MMP3: variants seen among roughly 807,000 people sequenced by gnomAD.
MMP3 encodes stromelysin-1.
A neutral mutation model predicts 47.3 loss-of-function variants in MMP3; 46 were observed. The ratio of observed to expected loss-of-function variants is 0.97; its 90% CI spans 0.77 to 1.24. The LOEUF is 1.24. MMP3 is among the 50% of genes most tolerant of loss of function. MMP3 has a pLI of 0.00. For synonymous variants in MMP3, 216 were observed against 206.5 expected, an observed-to-expected ratio of 1.05 and a Z score of -0.39; for missense variants, 558 against 565.5, an observed-to-expected ratio of 0.99 and a Z score of 0.13.
intron 6 of MMP3, among the ~76,000 whole-genome samples, chr11:102,839,520 C>A (rs1226513729): frequency 6.6e-6 from 1 of 152,172 alleles, no homozygotes; most frequent in Non-Finnish European, 1.5e-5. Flanking sequence ...GCTTTAATTA[C>A]CTGCAATGTA....
Position 102,837,155 on chromosome 11 carries a change from A to G in MMP3, c.1333+143T>C. 1 of 624,818 alleles carries G rather than the reference A, an allele frequency of 1.6e-6. No individual in the cohort carries two copies. Among genetic ancestry groups the G allele is most frequent in the Non-Finnish European group, 2.8e-6 (1 of 352,754 alleles). 38.7% of individuals were successfully genotyped at this position (624,818 alleles called of 1,614,324 possible). Reference sequence around the variant, plus strand: ...TTTGTGAAGTAGTTCTATAATGAGTACAAATGTAGGCGAATCAAAATTTTG... The same window carrying G: ...TTTGTGAAGTAGTTCTATAATGAGTGCAAATGTAGGCGAATCAAAATTTTG... On this transcript the variant is annotated intron_variant, in intron 9 of 9. Coordinates refer to ENST00000299855, the MANE Select transcript of MMP3 (RefSeq NM_002422.5). This position sits in a 1 kb window ranked among gnomAD's most constrained non-coding sequence, Gnocchi z 4.4.
Position 102,836,137 on chromosome 11 carries a change from G to T in MMP3, c.1423C>A (p.Leu475Ile). Residue 475 changes from leucine (L) to isoleucine (I), a missense_variant, in exon 10 of 10, where the codon CTT becomes ATT. Physicochemically the swap from Leu to Ile is conservative, Grantham distance 5. Coordinates refer to ENST00000299855, the MANE Select transcript of MMP3 (RefSeq NM_002422.5). The surrounding 1 kb of genome is among the most constrained non-coding windows in gnomAD (Gnocchi z 4.6). ...TCTACATATCTCTTTCAACAATTAAGCCAGCTGTTACTCTTCAAAGTGTGT... is the reference window on the plus strand; with the variant it reads ...TCTACATATCTCTTTCAACAATTAATCCAGCTGTTACTCTTCAAAGTGTGT... ...VTHTLKSNSW[L>I]NC 2 of 1,613,242 alleles carry T rather than the reference G, an allele frequency of 1.2e-6. No homozygotes were observed. Among genetic ancestry groups the T allele is most frequent in the Non-Finnish European group, 1.7e-6 (2 of 1,179,310 alleles).
rs1555004603 is a variant in MMP3 at position 102,836,575 on chromosome 11, A to ATC, written c.1334-351_1334-350dup. ...AGGTTACAGGGTTATTCTGCTTCCG[A>ATC]TCAGATAAATTCTCCACTTGCTTGG... On this transcript the variant is annotated intron_variant, in intron 9 of 9. Transcript: ENST00000299855. The surrounding 1 kb of genome is among the most constrained non-coding windows in gnomAD (Gnocchi z 4.6). 1 of 483,832 alleles carries ATC rather than the reference A, an allele frequency of 2.1e-6. No homozygotes were observed. The highest frequency in any genetic ancestry group is 1.5e-5 in the South Asian group (1 of 64,554). 30.0% of individuals were successfully genotyped at this position (483,832 alleles called of 1,614,324 possible).
chr11:102,836,335 G>T lies in MMP3; in HGVS notation c.1334-109C>A. 1.2e-6 allele frequency: 1 copy of T among 837,706 alleles called. No homozygotes were observed. Among genetic ancestry groups the T allele is most frequent in the Non-Finnish European group, 2.0e-6 (1 of 504,052 alleles). 51.9% of individuals were successfully genotyped at this position (837,706 alleles called of 1,614,324 possible). A position where few individuals can be genotyped will look rare whatever the true frequency, so the allele number is the denominator to read the frequency against. ...ACTAAAAATAGAAAGTGTTTATAGA[G>T]CTTTACTTTATGTCAGGGACTATGC... On this transcript the variant is annotated intron_variant, in intron 9 of 9. Coordinates refer to ENST00000299855, the MANE Select transcript of MMP3 (RefSeq NM_002422.5). This position sits in a 1 kb window ranked among gnomAD's most constrained non-coding sequence, Gnocchi z 4.6.
At position 102,836,556 on chromosome 11, in the gene MMP3, C is replaced by T. The variant is rs905636884; in HGVS notation, c.1334-330G>A. ...GAAAACACAGCCAGATTCCAGGTTA[C>T]AGGGTTATTCTGCTTCCGATCAGAT... On this transcript the variant is annotated intron_variant, in intron 9 of 9. Transcript: ENST00000299855. The surrounding 1 kb of genome is among the most constrained non-coding windows in gnomAD (Gnocchi z 4.6). 1.8e-5 allele frequency: 9 copies of T among 496,398 alleles called. No individual in the cohort carries two copies. Among genetic ancestry groups the T allele is most frequent in the Admixed American group, 1.6e-4 (7 of 43,334 alleles). The allele number at this position is 496,398 out of a possible 1,614,324, so 30.7% of individuals were successfully genotyped here.
chr11:102,843,465 C>T lies in MMP3; in HGVS notation c.82G>A (p.Asp28Asn), dbSNP rs572386210. The change falls in exon 1 of 10, where the codon GAC becomes AAC. Residue 28 changes from aspartate (D) to asparagine (N), a missense_variant. Physicochemically the swap from Asp to Asn is conservative, Grantham distance 23. Coordinates refer to ENST00000299855, the MANE Select transcript of MMP3 (RefSeq NM_002422.5). Reference protein sequence around the residue: ...YPLDGAARGEDTSMNLVQKYL... With the variant: ...YPLDGAARGENTSMNLVQKYL... ...ACCTGAACAAGGTTCATGCTGGTGT[C>T]CTCACCCCTTGCAGCTCCATCCAAT... The T allele has an allele frequency of 1.3e-5, 21 of 1,613,486 alleles. No individual in the cohort carries two copies. The highest frequency in any genetic ancestry group is 1.8e-5 in the Non-Finnish European group (21 of 1,179,762).
At position 102,841,136 on chromosome 11, in the gene MMP3, A is replaced by G. The variant is rs569045036; in HGVS notation, c.626-543T>C. 1.3e-4 allele frequency among the ~76,000 whole-genome samples: 20 copies of G among 152,344 alleles called. 1 individual carries two copies. The South Asian group carries it at 3.9e-3, about 30-fold the overall frequency. On this transcript the variant is annotated intron_variant, in intron 4 of 9. Transcript: ENST00000299855. ...ATAGGATTTGCAAAATTGGTTTAAA[A>G]CACAGTATGCCCAATCATGTCTAGC...
At chr11:102,843,307 A>C in intron 1 of MMP3, 135 bp downstream of exon 1, 1 of 662,184 alleles carries the variant, frequency 1.5e-6, no homozygotes, top group Non-Finnish European at 2.7e-6. Context: ...CACTTCCAAC[A>C]CTCTATAACT....
intron 2 of MMP3, 44 bp from the exon 3 acceptor site, chr11:102,842,623 A>G: frequency 2.5e-6 from 4 of 1,613,336 alleles, no homozygotes; most frequent in Non-Finnish European, 3.4e-6. Context: ...CTCCTATGAT[A>G]TAGTTTATAA....
Position 102,838,532 on chromosome 11 carries a change from C to T in MMP3, c.1229+19G>A. 1 of 1,606,556 alleles carries T rather than the reference C, an allele frequency of 6.2e-7. No homozygotes were observed. The highest frequency in any genetic ancestry group is 8.5e-7 in the Non-Finnish European group (1 of 1,176,716). On this transcript the variant is annotated intron_variant, in intron 8 of 9. Transcript: ENST00000299855. ...TCCCTAATTAGGCTCCATACAAAGT[C>T]ATTTCTCTTGCATCTCACCTCCAGT... is the stretch of plus-strand genomic sequence containing the variant.
rs577046877 is a variant in MMP3 at position 102,842,577 on chromosome 11, A to G, written c.353T>C (p.Ile118Thr). Residue 118 changes from isoleucine to threonine, a missense_variant and splice_region_variant, in exon 3 of 10, where the codon ATT becomes ACT. Coordinates refer to ENST00000299855, the MANE Select transcript of MMP3 (RefSeq NM_002422.5). Reference sequence around the variant, plus strand: ...TGGCAAATCTGGTGTATAATTCACAATCCTGTAGGAGAAAAATTGAAGCAG... The same window carrying G: ...TGGCAAATCTGGTGTATAATTCACAGTCCTGTAGGAGAAAAATTGAAGCAG... ...KWRKTHLTYRIVNYTPDLPKD... is the reference protein window; with the variant it reads ...KWRKTHLTYRTVNYTPDLPKD... The G allele has an allele frequency of 1.2e-6, 2 of 1,613,050 alleles. No homozygotes were observed. The highest frequency in any genetic ancestry group is 1.3e-5 in the African/African-American group (1 of 74,886).
intron 6 of MMP3, 30 bp downstream of exon 6, chr11:102,840,078 T>A: frequency 6.3e-7 from 1 of 1,588,984 alleles, no homozygotes; most frequent in Non-Finnish European, 8.6e-7. Context: ...TAGATTAAAA[T>A]GGTAGGAAAA....
rs1208265268 is a variant in MMP3, at chr11:102,842,306, G to C, written c.500-27C>G. Reference sequence around the variant, plus strand: ...TAGTAGGAAAAAAATTTATTGGAAAGATATGTAACAAGGATCCCTTTTGAG... The same window carrying C: ...TAGTAGGAAAAAAATTTATTGGAAACATATGTAACAAGGATCCCTTTTGAG... On this transcript the variant is annotated intron_variant, in intron 3 of 9. Coordinates refer to ENST00000299855, the MANE Select transcript of MMP3 (RefSeq NM_002422.5). 1.9e-6 allele frequency: 3 copies of C among 1,589,502 alleles called. No individual in the cohort carries two copies. The East Asian group carries it at 6.7e-5, about 36-fold the overall frequency.
chr11:102,838,402 A>T, intron 8 of MMP3, 149 bp downstream of exon 8: 1 of 868,704 alleles, frequency 1.2e-6, no homozygotes, highest in Non-Finnish European at 1.8e-6. Context: ...CTGCTGTTTT[A>T]AAGTAAGAAC....
chr11:102,841,977 A>G (rs952569253), intron 4 of MMP3, among the ~76,000 whole-genome samples, 177 bp downstream of exon 4: 1 of 152,228 alleles, frequency 6.6e-6, no homozygotes, highest in African/African-American at 2.4e-5. Context: ...ATATAGGAAA[A>G]CTGTTAAAGC....
chr11:102,838,056 G>A (rs650108), intron 8 of MMP3, among the ~76,000 whole-genome samples: 48,477 of 151,954 alleles, frequency 0.32, 8,486 homozygotes, highest in East Asian at 0.6. Context: ...TGAGGTTAGA[G>A]GTAGCCCTTG....
rs145317831 is a variant in MMP3, at chr11:102,840,224, G to C, written c.819C>G (p.Pro273=). The C allele has an allele frequency of 1.9e-6, 3 of 1,613,982 alleles. No homozygotes were observed. Among genetic ancestry groups the C allele is most frequent in the Non-Finnish European group, 2.5e-6 (3 of 1,179,966 alleles). ...YGPPPDSPET[P]LVPTEPVPPE... is the part of the protein sequence containing the mutation. The stretch of plus-strand genomic sequence containing the variant: ...GAGGGACAGGTTCCGTGGGTACCAG[G>C]GGGGTCTCAGGGGAGTCAGGGGGAG... The change falls in exon 6 of 10, where the codon CCC becomes CCG. Residue 273 remains proline (P), a synonymous_variant. Transcript: ENST00000299855.
At chr11:102,840,336 A>G in intron 5 of MMP3, 84 bp from the exon 6 acceptor site, 2 of 1,586,540 alleles carry the variant, frequency 1.3e-6, no homozygotes, top group Non-Finnish European at 1.7e-6. Context: ...GGTGCTTTGA[A>G]CTAAATCATA....
chr11:102,842,647 T>C, intron 2 of MMP3, 25 bp downstream of exon 2: 8 of 1,613,262 alleles, frequency 5.0e-6, no homozygotes, highest in Non-Finnish European at 6.8e-6. Flanking sequence ...TCCAATCTTA[T>C]GTGAAAACCC....
Sources: gnomAD v4.1 joint callset for allele counts (sites outside exome capture counted in the v4.1 genomes callset) on GRCh38, gnomAD v4.1.1 for gene constraint, Gnocchi (gnomAD v3.1) non-coding constraint, MANE v1.5 for transcripts, NCBI Gene and HGNC (gene_info 2026-07-23, HGNC 2026-07-21) for gene names.